Variants in NME8 observed in about 807,000 individuals in gnomAD.
The protein encoded by NME8 is protein NME8.
In NME8, 72 loss-of-function variants were observed where a neutral mutation model predicts 82.3. The observed-to-expected ratio is 0.87, with a 90% CI of 0.72 to 1.06. The LOEUF is 1.06. Among genes scored for constraint, NME8 ranks in the 50% least tolerant of loss-of-function variants. The pLI, the probability that NME8 is intolerant of heterozygous loss-of-function variation, is 0.00. For synonymous variants in NME8, 267 were observed against 228.5 expected, an observed-to-expected ratio of 1.17 and a Z score of -1.52; for missense variants, 712 against 685.4, an observed-to-expected ratio of 1.04 and a Z score of -0.43.
Position 37,888,177 on chromosome 7 carries a change from T to G in NME8, c.1248-100T>G, listed in dbSNP as rs2251179. ...TTTGCACAGTGTCAAGATCTGGAAT[T>G]ATTTGCTGTTATTTGATAACTTTTG... On this transcript the variant is annotated intron_variant, in intron 14 of 17. Transcript: ENST00000199447. The G allele has an allele frequency of 0.49, 584,017 of 1,189,470 alleles. 147,170 individuals carry two copies. The highest frequency in any genetic ancestry group is 0.73 in the East Asian group (30,988 of 42,190). 73.7% of individuals were successfully genotyped at this position (1,189,470 alleles called of 1,614,324 possible).
At chr7:37,865,477 A>T (rs776176665) in intron 9 of NME8, 48 bp from the exon 10 acceptor site, 2 of 1,304,008 alleles carry the variant, frequency 1.5e-6, no homozygotes, top group South Asian at 1.2e-5. Flanking sequence ...AACTTGTTTT[A>T]CATGTGATCC....
chr7:37,868,154 G>T (rs1445356582), intron 11 of NME8, among the ~76,000 whole-genome samples: 2 of 152,296 alleles, frequency 1.3e-5, no homozygotes, highest in Admixed American at 1.3e-4. Flanking sequence ...AGGTTTGAAA[G>T]AAAAGTTTTG....
intron 13 of NME8, among the ~76,000 whole-genome samples, 194 bp from the exon 14 acceptor site, chr7:37,884,951 C>G (rs55654570): frequency 6.6e-6 from 1 of 152,182 alleles, no homozygotes; most frequent in Non-Finnish European, 1.5e-5. Context: ...CCCTTCCTTT[C>G]CCTGCTTCTA....
chr7:37,894,699 A>C (rs1320062625), intron 16 of NME8, 89 bp downstream of exon 16: 1 of 1,222,864 alleles, frequency 8.2e-7, no homozygotes, highest in African/African-American at 1.5e-5. Context: ...TAATTAAAAC[A>C]TTTCATCTAA....
chr7:37,894,361 C>G (rs1785183344), intron 15 of NME8, 105 bp from the exon 16 acceptor site: 5 of 1,227,014 alleles, frequency 4.1e-6, no homozygotes, highest in Non-Finnish European at 4.8e-6. Flanking sequence ...TGTTAAACCA[C>G]AATATGCAAA....
chr7:37,896,740 A>C (rs1205653948), intron 16 of NME8, 130 bp from the exon 17 acceptor site: 1 of 773,814 alleles, frequency 1.3e-6, no homozygotes, highest in Non-Finnish European at 2.3e-6. Flanking sequence ...AAAGTACATG[A>C]TTGCACTGAT....
At chr7:37,894,964 G>C (rs1583646882) in intron 16 of NME8, among the ~76,000 whole-genome samples, 1 of 150,702 alleles carries the variant, frequency 6.6e-6, no homozygotes, top group Non-Finnish European at 1.5e-5. Flanking sequence ...GGCTGCCTCA[G>C]TTCAAACCGC....
chr7:37,853,661 C>T (rs2131939989), intron 5 of NME8, among the ~76,000 whole-genome samples: 1 of 152,222 alleles, frequency 6.6e-6, no homozygotes, highest in Non-Finnish European at 1.5e-5. Context: ...AATTATATCT[C>T]CAAACCTCCA....
intron 12 of NME8, among the ~76,000 whole-genome samples, chr7:37,882,356 C>T (rs1021840433): frequency 1.4e-4 from 21 of 151,610 alleles, no homozygotes; most frequent in African/African-American, 4.6e-4. Flanking sequence ...GCGTGGTGGC[C>T]CATGCCTGTG....
In NME8 at chr7:37,851,933, A is replaced by G. The variant is rs115048093; in HGVS notation, c.198+1198A>G. Among the ~76,000 whole-genome samples, 572 of 152,178 alleles carry G rather than the reference A, an allele frequency of 3.8e-3. 11 individuals carry two copies. Among genetic ancestry groups the G allele is most frequent in the African/African-American group, 0.013 (549 of 41,534 alleles). On this transcript the variant is annotated intron_variant, in intron 5 of 17. Coordinates refer to ENST00000199447, the MANE Select transcript of NME8 (RefSeq NM_016616.5). ...GAATGGGTTTGCCTACTGACCTTGT[A>G]TTTCACTATCCATCCCCTTCTTTAA...
intron 11 of NME8, among the ~76,000 whole-genome samples, chr7:37,871,730 C>G (rs771193817): frequency 1.6e-4 from 25 of 152,128 alleles, no homozygotes; most frequent in Non-Finnish European, 3.4e-4. Context: ...ATTCCTCTGT[C>G]CATAGAAAAT....
Position 37,855,039 on chromosome 7 carries a change from A to C in NME8, c.199-2235A>C, listed in dbSNP as rs936088943. On this transcript the variant is annotated intron_variant, in intron 5 of 17. Coordinates refer to ENST00000199447, the MANE Select transcript of NME8 (RefSeq NM_016616.5). ...CAGGGTTCTCTTCCATAGCACTGAC[A>C]TTTTTTCCATAGAGTACCACGTGTA... is the stretch of plus-strand genomic sequence containing the variant. 1.9e-4 allele frequency among the ~76,000 whole-genome samples: 29 copies of C among 152,022 alleles called. 1 individual carries two copies. The highest frequency in any genetic ancestry group is 7.4e-5 in the Non-Finnish European group (5 of 67,994).
intron 5 of NME8, among the ~76,000 whole-genome samples, chr7:37,854,682 C>T (rs1419378689): frequency 6.6e-6 from 1 of 152,162 alleles, no homozygotes; most frequent in Non-Finnish European, 1.5e-5. Context: ...TACATCTTCT[C>T]CCTCATCGTC....
intron 17 of NME8, among the ~76,000 whole-genome samples, chr7:37,897,481 C>A (rs1785247501): frequency 6.6e-6 from 1 of 152,186 alleles, no homozygotes; most frequent in African/African-American, 2.4e-5. Context: ...CACTTCTCTG[C>A]TTTGAATGGC....
chr7:37,894,573 A>G lies in NME8; in HGVS notation c.1507A>G (p.Lys503Glu). The G allele has an allele frequency of 1.2e-6, 2 of 1,600,192 alleles. No homozygotes were observed. The highest frequency in any genetic ancestry group is 8.6e-7 in the Non-Finnish European group (1 of 1,167,680). The stretch of plus-strand genomic sequence containing the variant: ...GAAAATTTATCCAAAAGTAACAGGA[A>G]AAGACTTTTATAAAGATTTATTGGA... ...IEKIYPKVTG[K>E]DFYKDLLEML... The change falls in exon 16 of 18, where the codon AAA becomes GAA. Residue 503 changes from lysine (K) to glutamate (E), a missense_variant. Lys to Glu is a moderately conservative substitution (Grantham distance 56). Coordinates refer to ENST00000199447, the MANE Select transcript of NME8 (RefSeq NM_016616.5).
chr7:37,899,828 C>T (rs911515007), intron 17 of NME8, among the ~76,000 whole-genome samples: 2 of 152,084 alleles, frequency 1.3e-5, no homozygotes, highest in Non-Finnish European at 2.9e-5. Flanking sequence ...TCCTGCTGAA[C>T]CCCCAGCTGC....
Position 37,894,476 on chromosome 7 carries a change from G to A in NME8, c.1410G>A (p.Leu470=). The change falls in exon 16 of 18, where the codon CTG becomes CTA. Residue 470 remains leucine, a synonymous_variant. Coordinates refer to ENST00000199447, the MANE Select transcript of NME8 (RefSeq NM_016616.5). ...HATSEQREQI[L]KIVKEAGFDL... ...ATTTGTTTTTCTTAGAGCAGATCCT[G>A]AAGATAGTTAAGGAGGCTGGATTTG... 2 of 1,612,940 alleles carry A rather than the reference G, an allele frequency of 1.2e-6. No homozygotes were observed. Among genetic ancestry groups the A allele is most frequent in the South Asian group, 2.2e-5 (2 of 91,050 alleles).
Position 37,885,236 on chromosome 7 carries a change from G to A in NME8, c.1231G>A (p.Glu411Lys), listed in dbSNP as rs778757785. ...LGPRTVEEAI[E>K]YFPESLCAQF... is the part of the protein sequence containing the mutation. ...ACCAAGAACTGTTGAAGAAGCCATTGAATATTTTCCAGAGAGGTAGGATTC... is the reference window on the plus strand; with the variant it reads ...ACCAAGAACTGTTGAAGAAGCCATTAAATATTTTCCAGAGAGGTAGGATTC... Residue 411 changes from glutamate to lysine, a missense_variant, in exon 14 of 18, where the codon GAA becomes AAA. Physicochemically the swap from Glu to Lys is moderately conservative, Grantham distance 56 (BLOSUM62 1). Transcript: ENST00000199447. The A allele has an allele frequency of 5.0e-6, 8 of 1,610,778 alleles. No individual in the cohort carries two copies. The highest frequency in any genetic ancestry group is 1.7e-5 in the Admixed American group (1 of 59,940).
In NME8 at chr7:37,857,259, G is replaced by A; in HGVS notation, c.199-15G>A. The stretch of plus-strand genomic sequence containing the variant: ...AGTTTTATTTATTATTATATGAAAT[G>A]TTTACTTTTTCCAGGCAGAAGCTGA... On this transcript the variant is annotated splice_polypyrimidine_tract_variant and intron_variant, in intron 5 of 17. Coordinates refer to ENST00000199447, the MANE Select transcript of NME8 (RefSeq NM_016616.5). 1.3e-6 allele frequency: 2 copies of A among 1,588,330 alleles called. No homozygotes were observed. The highest frequency in any genetic ancestry group is 1.7e-6 in the Non-Finnish European group (2 of 1,158,216).
Sources: gnomAD v4.1 joint callset for allele counts (sites outside exome capture counted in the v4.1 genomes callset) on GRCh38, gnomAD v4.1.1 for gene constraint, MANE v1.5 for transcripts, NCBI Gene and HGNC (gene_info 2026-07-23, HGNC 2026-07-21) for gene names.